The following SLC25A16 variants were observed in gnomAD, a reference collection of about 807,000 sequenced individuals.
SLC25A16 encodes mitochondrial coenzyme A transporter SLC25A16.
A neutral mutation model predicts 41.5 loss-of-function variants in SLC25A16; 39 were observed. The observed-to-expected ratio is 0.94, with a 90% confidence interval of 0.73 to 1.23. SLC25A16 has a LOEUF of 1.23. SLC25A16 is among the 50% of genes most tolerant of loss of function. The probability of loss-of-function intolerance (pLI) is 0.00; values close to 1 mark genes in which losing one functional copy is unlikely to be tolerated. For missense variants in SLC25A16, 421 were observed against 426.9 expected (o/e 0.99, Z 0.12); for synonymous variants, 146 against 147.8 (o/e 0.99, Z 0.09).
chr10:68,521,133 CAA>C (rs72252116), intron 1 of SLC25A16, among the ~76,000 whole-genome samples: 3 of 144,964 alleles, frequency 2.1e-5, no homozygotes, highest in African/African-American at 7.5e-5. Context: ...ACTCCGTCTC[CAA>C]AAAAAAAAGG....
intron 6 of SLC25A16, among the ~76,000 whole-genome samples, chr10:68,491,814 C>CTTGA (rs202157914): frequency 0.057 from 8,636 of 152,020 alleles, 363 homozygotes; most frequent in Admixed American, 0.085. Flanking sequence ...TGCTTGCTTG[C>CTTGA]TTGATTGATT....
At chr10:68,505,207 G>C (rs978748516) in intron 3 of SLC25A16, among the ~76,000 whole-genome samples, 2 of 152,058 alleles carry the variant, frequency 1.3e-5, no homozygotes, top group Non-Finnish European at 2.9e-5. Flanking sequence ...AAATTAGCCG[G>C]GGGTGGTGGC....
At chr10:68,486,020 C>T (rs1276242626) in intron 8 of SLC25A16, among the ~76,000 whole-genome samples, 2 of 151,068 alleles carry the variant, frequency 1.3e-5, no homozygotes, top group East Asian at 2.0e-4. Context: ...GAGTACCAGA[C>T]CAGCCTTGCC....
At chr10:68,497,300 G>A (rs554250863) in intron 4 of SLC25A16, among the ~76,000 whole-genome samples, 15 of 152,296 alleles carry the variant, frequency 9.8e-5, no homozygotes, top group African/African-American at 3.4e-4. Flanking sequence ...GACTCCAAGC[G>A]TCATAGATAC....
At chr10:68,489,544 A>G (rs142688163) in intron 6 of SLC25A16, among the ~76,000 whole-genome samples, 117 of 152,250 alleles carry the variant, frequency 7.7e-4, no homozygotes, top group Non-Finnish European at 1.3e-3. Flanking sequence ...CAGGGAGGGA[A>G]AAAAGTAAAT....
intron 5 of SLC25A16, 61 bp downstream of exon 5, chr10:68,493,388 C>T: frequency 2.1e-6 from 3 of 1,418,590 alleles, no homozygotes; most frequent in Admixed American, 1.8e-5. Flanking sequence ...ATATGACATT[C>T]AAAATATTTT....
At chr10:68,508,158 G>A (rs2052989260) in intron 2 of SLC25A16, among the ~76,000 whole-genome samples, 2 of 152,200 alleles carry the variant, frequency 1.3e-5, no homozygotes, top group South Asian at 4.1e-4. Flanking sequence ...GTTGCAGTGA[G>A]CCGAGATTGC....
At chr10:68,491,693 A>G (rs1564911999) in intron 6 of SLC25A16, among the ~76,000 whole-genome samples, 1 of 152,174 alleles carries the variant, frequency 6.6e-6, no homozygotes, top group Non-Finnish European at 1.5e-5. Flanking sequence ...AACTAAAACT[A>G]GTTGTTACCT....
At chr10:68,494,575 G>A (rs2052718121) in intron 4 of SLC25A16, among the ~76,000 whole-genome samples, 2 of 148,040 alleles carry the variant, frequency 1.4e-5, no homozygotes, top group South Asian at 2.2e-4. Context: ...GGAAGGAAGA[G>A]GTTTAATAGA....
rs184511125 is a variant in SLC25A16 at position 68,520,992 on chromosome 10, G to C, written c.131-4149C>G. 3.7e-3 allele frequency among the ~76,000 whole-genome samples: 560 copies of C among 150,798 alleles called. 1 individual carries two copies. The highest frequency in any genetic ancestry group is 6.2e-3 in the Non-Finnish European group (418 of 67,724). The stretch of plus-strand genomic sequence containing the variant: ...CCACTAAAACTACAAAAAATTAGCC[G>C]GCATGGTGGCACGTGCCTGCAGTCC... On this transcript the variant is annotated intron_variant, in intron 1 of 8. Transcript: ENST00000609923.
intron 6 of SLC25A16, among the ~76,000 whole-genome samples, chr10:68,491,640 A>C (rs1247347279): frequency 2.0e-5 from 3 of 152,190 alleles, no homozygotes; most frequent in Non-Finnish European, 2.9e-5. Flanking sequence ...AGACCAGACT[A>C]AAAATCAAAA....
intron 4 of SLC25A16, among the ~76,000 whole-genome samples, chr10:68,502,956 G>GGGAGGGGAAAGGAGAGTGGAGA (rs1564918817): frequency 1.9e-5 from 2 of 104,432 alleles, no homozygotes; most frequent in African/African-American, 7.4e-5. Flanking sequence ...GGAGGGGGAG[G>GGGAGGGGAAAGGAGAGTGGAGA]GGAGGGGAAA....
At chr10:68,517,935 C>G (rs1314959097) in intron 1 of SLC25A16, 1 of 151,906 alleles carries the variant, frequency 6.6e-6, no homozygotes, top group Admixed American at 6.6e-5. Context: ...CACACCATTG[C>G]ACTCTAGCCT....
At chr10:68,526,441 A>G (rs2053339051) in intron 1 of SLC25A16, among the ~76,000 whole-genome samples, 1 of 152,118 alleles carries the variant, frequency 6.6e-6, no homozygotes, top group Non-Finnish European at 1.5e-5. Flanking sequence ...CCCCTCTTCG[A>G]GAAACACCCA....
chr10:68,503,726 A>G (rs1372903905), intron 3 of SLC25A16, 31 bp from the exon 4 acceptor site: 1 of 1,376,938 alleles, frequency 7.3e-7, no homozygotes. Flanking sequence ...ATTAAATGAG[A>G]TATTTTTTAA....
At chr10:68,488,981 C>G (rs1052881659) in intron 6 of SLC25A16, among the ~76,000 whole-genome samples, 2 of 152,036 alleles carry the variant, frequency 1.3e-5, no homozygotes, top group Non-Finnish European at 2.9e-5. Context: ...TTTAAAATAA[C>G]AATGATGGCC....
At chr10:68,485,073 T>TTA (rs2052535783) in intron 8 of SLC25A16, among the ~76,000 whole-genome samples, 2 of 152,202 alleles carry the variant, frequency 1.3e-5, no homozygotes, top group Non-Finnish European at 2.9e-5. Context: ...TTTTTAACAA[T>TTA]TATATATATA....
intron 4 of SLC25A16, chr10:68,499,798 G>C (rs1179225450): frequency 2.3e-6 from 1 of 440,862 alleles, no homozygotes; most frequent in African/African-American, 2.0e-5. Context: ...AGTGGGAAAA[G>C]GCTAATGGTA....
At chr10:68,489,209 C>T (rs1379040838) in intron 6 of SLC25A16, among the ~76,000 whole-genome samples, 2 of 152,066 alleles carry the variant, frequency 1.3e-5, no homozygotes, top group Admixed American at 6.6e-5. Context: ...GCGGAGTTTG[C>T]GGTGAGCTGA....
Sources: allele counts gnomAD v4.1 joint callset (sites outside exome capture counted in the v4.1 genomes callset), GRCh38; gene constraint gnomAD v4.1.1; transcripts MANE v1.5; gene names NCBI Gene and HGNC (gene_info 2026-07-23, HGNC 2026-07-21).